Variants in ZNF619 observed in about 807,000 individuals in gnomAD.
The protein encoded by ZNF619 is zinc finger protein 619.
In ZNF619, 9 loss-of-function variants were observed where a neutral mutation model predicts 14.2. The observed-to-expected ratio is 0.64, with a 90% confidence interval of 0.38 to 1.11. ZNF619 has a LOEUF of 1.11. Among genes scored for constraint, ZNF619 ranks in the 50% least tolerant of loss-of-function variants. The pLI, the probability that ZNF619 is intolerant of heterozygous loss-of-function variation, is 0.01. For synonymous variants in ZNF619, 246 were observed against 252.8 expected, an observed-to-expected ratio of 0.97 and a Z score of 0.26; for missense variants, 659 against 680.1, an observed-to-expected ratio of 0.97 and a Z score of 0.34.
chr3:40,487,831 A>G lies in ZNF619; in HGVS notation c.1321A>G (p.Ile441Val). 6.2e-7 allele frequency: 1 copy of G among 1,613,664 alleles called. No individual in the cohort carries two copies. The highest frequency in any genetic ancestry group is 1.1e-5 in the South Asian group (1 of 91,044). The part of the protein sequence containing the change: ...QECGKTFSQK[I>V]TLVQHQRVHT... ...ATGTGGGAAGACATTCAGTCAAAAG[A>G]TCACTCTGGTTCAGCATCAGCGAGT... The change falls in exon 5 of 5, where the codon ATC becomes GTC. Residue 441 changes from isoleucine (I) to valine (V), a missense_variant. Coordinates refer to ENST00000432264, the MANE Select transcript of ZNF619 (RefSeq NM_001145093.4).
chr3:40,487,553 A>G lies in ZNF619; in HGVS notation c.1043A>G (p.Glu348Gly), dbSNP rs527647687. ...HNGEKPYECK[E>G]CGKSLSSNSV... ...GGGGAGAAGCCCTATGAATGTAAGG[A>G]GTGTGGGAAGAGTTTGAGTTCTAAT... is the stretch of plus-strand genomic sequence containing the variant. Residue 348 changes from glutamate to glycine, a missense_variant, in exon 5 of 5, where the codon GAG becomes GGG. Physicochemically the swap from Glu to Gly is moderately conservative, Grantham distance 98. Transcript: ENST00000432264. 6 of 1,614,224 alleles carry G rather than the reference A, an allele frequency of 3.7e-6. No homozygotes were observed. In the African/African-American group the frequency reaches 8.0e-5, roughly 22 times the overall value.
intron 4 of ZNF619, among the ~76,000 whole-genome samples, chr3:40,484,020 G>A (rs1455543805): frequency 1.3e-5 from 2 of 152,086 alleles, no homozygotes; most frequent in Admixed American, 1.3e-4. Flanking sequence ...CTGCCTCCCA[G>A]GTTCAAGCGA....
intron 4 of ZNF619, among the ~76,000 whole-genome samples, chr3:40,486,285 T>G (rs1347639287): frequency 6.6e-6 from 1 of 152,258 alleles, no homozygotes; most frequent in Non-Finnish European, 1.5e-5. Context: ...TAATAGCTTC[T>G]GCCATCCACA....
At chr3:40,479,495 T>C (rs1697314095) in intron 2 of ZNF619, among the ~76,000 whole-genome samples, 1 of 152,246 alleles carries the variant, frequency 6.6e-6, no homozygotes, top group African/African-American at 2.4e-5. Flanking sequence ...GGTGATATCT[T>C]CGTGCGTTAC....
At position 40,487,697 on chromosome 3, in the gene ZNF619, G is replaced by A. The variant is rs1341794860; in HGVS notation, c.1187G>A (p.Gly396Glu). Residue 396 changes from glycine to glutamate, a missense_variant, in exon 5 of 5, where the codon GGG (glycine) becomes GAG (glutamate). Gly to Glu is a moderately conservative substitution (Grantham distance 98). Coordinates refer to ENST00000432264, the MANE Select transcript of ZNF619 (RefSeq NM_001145093.4). ...VFLQHQRFHT[G>E]EQLYKCNECW... ...CTTCAGCACCAGAGGTTCCACACTG[G>A]GGAACAACTCTACAAATGTAATGAA... 6.2e-7 allele frequency: 1 copy of A among 1,614,066 alleles called. No homozygotes were observed. The highest frequency in any genetic ancestry group is 8.5e-7 in the Non-Finnish European group (1 of 1,180,016).
chr3:40,487,893 C>T lies in ZNF619; in HGVS notation c.1383C>T (p.Cys461=), dbSNP rs144562527. 591 of 1,613,990 alleles carry T rather than the reference C, an allele frequency of 3.7e-4. 2 individuals carry two copies. The African/African-American group carries it at 6.7e-3, about 18-fold the overall frequency. ...AGAAACCTTATGAGTGTAAGGAGTG[C>T]GGGAAAGCCTTCAGATGGAATGCAA... The part of the protein sequence containing the change: ...TGEKPYECKE[C]GKAFRWNASF... Residue 461 remains cysteine (C), a synonymous_variant, in exon 5 of 5, where the codon TGC becomes TGT. Transcript: ENST00000432264.
intron 4 of ZNF619, among the ~76,000 whole-genome samples, chr3:40,482,925 T>A (rs574088815): frequency 3.3e-5 from 5 of 152,288 alleles, no homozygotes; most frequent in Admixed American, 2.0e-4. Flanking sequence ...AGCTAAAGGA[T>A]TTCAGGCTGG....
rs531247821 is a variant in ZNF619 at position 40,484,215 on chromosome 3, C to T, written c.295+1511C>T. Among the ~76,000 whole-genome samples, 27 of 152,306 alleles carry T rather than the reference C, an allele frequency of 1.8e-4. No homozygotes were observed. In the East Asian group the frequency reaches 2.3e-3, roughly 13 times the overall value. ...TGCTGGGATTACAGGCATGAGCCAC[C>T]GCGCCCAGCTAGAACTTGTTTTTAT... On this transcript the variant is annotated intron_variant, in intron 4 of 4. Coordinates refer to ENST00000432264, the MANE Select transcript of ZNF619 (RefSeq NM_001145093.4).
intron 4 of ZNF619, 143 bp from the exon 5 acceptor site, chr3:40,486,663 T>C (rs1697587849): frequency 1.7e-6 from 1 of 596,826 alleles, no homozygotes; most frequent in South Asian, 2.3e-5. Flanking sequence ...ATCATGCCAT[T>C]GCACTCCAGC....
intron 4 of ZNF619, among the ~76,000 whole-genome samples, chr3:40,485,974 A>G (rs1697566999): frequency 6.6e-6 from 1 of 152,160 alleles, no homozygotes. Context: ...CAGTGTTACA[A>G]ACTGCTTTCT....
At chr3:40,485,931 A>G (rs749944713) in intron 4 of ZNF619, among the ~76,000 whole-genome samples, 1 of 152,152 alleles carries the variant, frequency 6.6e-6, no homozygotes, top group Non-Finnish European at 1.5e-5. Context: ...GGGTTTTAAA[A>G]TTGTGGTCTT....
intron 2 of ZNF619, among the ~76,000 whole-genome samples, chr3:40,479,059 G>A (rs1055081021): frequency 1.3e-5 from 2 of 152,074 alleles, no homozygotes; most frequent in African/African-American, 4.8e-5. Flanking sequence ...GGGCTAGTGT[G>A]GCAGCTCCCC....
rs145121784 is a variant in ZNF619 at position 40,481,967 on chromosome 3, C to T, written c.129C>T (p.Ala43=). 4.4e-5 allele frequency: 71 copies of T among 1,612,008 alleles called. No individual in the cohort carries two copies. In the African/African-American group the frequency reaches 9.1e-4, roughly 21 times the overall value. Residue 43 remains alanine (A), a synonymous_variant, in exon 3 of 5, where the codon GCC becomes GCT. Transcript: ENST00000432264. The part of the protein sequence containing the change: ...EWASLHPTQR[A]LYREVMLENY... ...CCAGCCTGCACCCTACGCAGAGGGC[C>T]CTATACAGGGAGGTGATGCTGGAGA... is the stretch of plus-strand genomic sequence containing the variant.
In ZNF619 at chr3:40,488,373, T is replaced by A. The variant is rs1697710940; in HGVS notation, c.*132T>A. ...CTGTTTTCCTAACTTCATTTTAAAT[T>A]CTCACGCTTAAGGACCATGTTTGAT... On this transcript the variant is annotated 3_prime_UTR_variant, in exon 5 of 5. Transcript: ENST00000432264. The A allele has an allele frequency of 1.6e-6, 1 of 625,948 alleles. No homozygotes were observed. Among genetic ancestry groups the A allele is most frequent in the African/African-American group, 1.8e-5 (1 of 54,828 alleles). 38.8% of individuals were successfully genotyped at this position (625,948 alleles called of 1,614,324 possible).
chr3:40,479,805 C>T (rs577469174), intron 2 of ZNF619, among the ~76,000 whole-genome samples: 30 of 152,272 alleles, frequency 2.0e-4, no homozygotes, highest in African/African-American at 6.3e-4. Flanking sequence ...AGTAGCACTA[C>T]CATTACCACC....
At chr3:40,483,376 C>T (rs146398731) in intron 4 of ZNF619, among the ~76,000 whole-genome samples, 3,613 of 150,692 alleles carry the variant, frequency 0.024, 84 homozygotes, top group Non-Finnish European at 0.032. Flanking sequence ...CCACAACCTC[C>T]GCCTCCTGGG....
chr3:40,486,058 C>G (rs1259781246), intron 4 of ZNF619, among the ~76,000 whole-genome samples: 3 of 152,186 alleles, frequency 2.0e-5, no homozygotes, highest in Non-Finnish European at 4.4e-5. Context: ...AGTATTTTGA[C>G]AGGTTTTATG....
In ZNF619 at chr3:40,487,423, C is replaced by G. The variant is rs576609937; in HGVS notation, c.913C>G (p.Arg305Gly). The stretch of plus-strand genomic sequence containing the variant: ...CTTCAGTTATAATTCAAAACTGATT[C>G]GGCATCAGAGAATCCATACTGGGGA... ...KTFSYNSKLI[R>G]HQRIHTGEKP... The change falls in exon 5 of 5, where the codon CGG becomes GGG. Residue 305 changes from arginine (R) to glycine (G), a missense_variant. Transcript: ENST00000432264. 1 of 1,614,184 alleles carries G rather than the reference C, an allele frequency of 6.2e-7. No homozygotes were observed.
Position 40,489,894 on chromosome 3 carries a change from A to G in ZNF619, c.*1653A>G, listed in dbSNP as rs1697754488. 6.6e-6 allele frequency: 1 copy of G among 152,234 alleles called. No individual in the cohort carries two copies. The highest frequency in any genetic ancestry group is 6.5e-5 in the Admixed American group (1 of 15,272). The allele number at this position is 152,234 out of a possible 1,614,324, so 9.4% of individuals were successfully genotyped here. A position where few individuals can be genotyped will look rare whatever the true frequency, so the allele number is the denominator to read the frequency against. On this transcript the variant is annotated 3_prime_UTR_variant, in exon 5 of 5. Coordinates refer to ENST00000432264, the MANE Select transcript of ZNF619 (RefSeq NM_001145093.4). ...TATAAAGAACTGTTTTGATGACACC[A>G]AGAAATGTTTTCAGTGTGCAGATTG...
Sources: allele counts gnomAD v4.1 joint callset (sites outside exome capture counted in the v4.1 genomes callset), GRCh38; gene constraint gnomAD v4.1.1; transcripts MANE v1.5; gene names NCBI Gene and HGNC (gene_info 2026-07-23, HGNC 2026-07-21).